MARK3: variants seen among roughly 807,000 people sequenced by gnomAD.
MARK3 encodes the protein MAP/microtubule affinity-regulating kinase 3.
Under a neutral mutation model 90.1 loss-of-function variants are expected in MARK3, and 46 were observed. The observed-to-expected ratio is 0.51, with a 90% CI of 0.40 to 0.65. MARK3 has a LOEUF of 0.65. MARK3 is among the 30% of genes least tolerant of loss of function. MARK3 has a pLI of 0.00. For synonymous variants in MARK3, 321 were observed against 332.6 expected, an observed-to-expected ratio of 0.97 and a Z score of 0.38; for missense variants, 818 against 947.2, an observed-to-expected ratio of 0.86 and a Z score of 1.79.
At chr14:103,436,110 C>T (rs1279177157) in intron 3 of MARK3, among the ~76,000 whole-genome samples, 1 of 152,144 alleles carries the variant, frequency 6.6e-6, no homozygotes, top group Non-Finnish European at 1.5e-5. Context: ...AGGCTGGTCT[C>T]GAACTCCTGA....
chr14:103,432,967 A>G (rs1179977138), intron 3 of MARK3, among the ~76,000 whole-genome samples: 3 of 152,218 alleles, frequency 2.0e-5, no homozygotes, highest in Admixed American at 1.3e-4. Context: ...ACTATACCAC[A>G]TAGAAAAGTA....
At chr14:103,431,935 C>T (rs1250576057) in intron 3 of MARK3, among the ~76,000 whole-genome samples, 6 of 152,058 alleles carry the variant, frequency 3.9e-5, no homozygotes, top group South Asian at 2.1e-4. Context: ...ACAGGAGTTT[C>T]GCTGAACAGA....
chr14:103,407,408 G>A (rs1049268758), intron 2 of MARK3, among the ~76,000 whole-genome samples: 2 of 152,022 alleles, frequency 1.3e-5, no homozygotes, highest in African/African-American at 4.8e-5. Flanking sequence ...ATCGGTTATT[G>A]TGTAGGAAGG....
chr14:103,400,002 C>T (rs2090854714), intron 1 of MARK3, among the ~76,000 whole-genome samples: 1 of 151,106 alleles, frequency 6.6e-6, no homozygotes. Context: ...AATCTCAGCT[C>T]ACTGCAACTG....
At chr14:103,437,085 C>T (rs186019173) in intron 3 of MARK3, among the ~76,000 whole-genome samples, 1 of 146,534 alleles carries the variant, frequency 6.8e-6, no homozygotes, top group East Asian at 2.0e-4. Flanking sequence ...AAATGAGAAA[C>T]TCTGCCAAAA....
intron 1 of MARK3, among the ~76,000 whole-genome samples, chr14:103,390,574 C>T (rs1210828079): frequency 6.6e-6 from 1 of 152,116 alleles, no homozygotes; most frequent in Non-Finnish European, 1.5e-5. Context: ...CTAACAATAG[C>T]TGATAAGCTT....
At chr14:103,457,314 TG>T in intron 6 of MARK3, 102 bp downstream of exon 6, 1 of 820,964 alleles carries the variant, frequency 1.2e-6, no homozygotes, top group Admixed American at 2.2e-5. Flanking sequence ...TAAGGCCTGT[TG>T]GATGGCAGGG....
At chr14:103,418,893 A>G (rs1448390698) in intron 2 of MARK3, among the ~76,000 whole-genome samples, 3 of 152,178 alleles carry the variant, frequency 2.0e-5, no homozygotes, top group African/African-American at 7.2e-5. Flanking sequence ...GCAGTTTTCT[A>G]CGTTGCCACT....
intron 1 of MARK3, among the ~76,000 whole-genome samples, chr14:103,398,775 A>C (rs1305543987): frequency 6.6e-6 from 1 of 152,220 alleles, no homozygotes; most frequent in Admixed American, 6.5e-5. Context: ...TGACTTTGTG[A>C]ATATTTCTAA....
chr14:103,422,647 A>C (rs2092264371), intron 2 of MARK3, among the ~76,000 whole-genome samples: 1 of 152,102 alleles, frequency 6.6e-6, no homozygotes, highest in African/African-American at 2.4e-5. Context: ...CCTCAAGTGA[A>C]CCACTGTGCC....
At chr14:103,398,683 A>T (rs2090745053) in intron 1 of MARK3, among the ~76,000 whole-genome samples, 1 of 152,176 alleles carries the variant, frequency 6.6e-6, no homozygotes, top group Non-Finnish European at 1.5e-5. Context: ...AAGAGTTTTT[A>T]AATTATAAAT....
chr14:103,466,999 C>G (rs1273943891), intron 10 of MARK3, 80 bp from the exon 11 acceptor site: 1 of 585,634 alleles, frequency 1.7e-6, no homozygotes, highest in Non-Finnish European at 2.7e-6. Context: ...AGTGAAACTC[C>G]GTCTCAAAAA....
intron 2 of MARK3, among the ~76,000 whole-genome samples, chr14:103,415,320 G>C (rs902916646): frequency 6.6e-6 from 1 of 152,054 alleles, no homozygotes; most frequent in African/African-American, 2.4e-5. Flanking sequence ...CCTAGTTATG[G>C]TGTAAGTTCA....
chr14:103,412,248 C>CT (rs1361753330), intron 2 of MARK3: 1 of 742,426 alleles, frequency 1.3e-6, no homozygotes, highest in Non-Finnish European at 2.3e-6. Flanking sequence ...AGCTCATCGT[C>CT]TGTCATCTTC....
chr14:103,399,686 T>G (rs2090824955), intron 1 of MARK3, among the ~76,000 whole-genome samples: 2 of 121,790 alleles, frequency 1.6e-5, no homozygotes, highest in East Asian at 2.3e-4. Context: ...GGCAACAGAG[T>G]GAGACTCCAT....
chr14:103,439,554 G>A (rs149788412), intron 3 of MARK3, among the ~76,000 whole-genome samples: 94 of 152,084 alleles, frequency 6.2e-4, no homozygotes, highest in African/African-American at 2.1e-3. Flanking sequence ...GATTACAGGC[G>A]TGCGCCACCA....
At chr14:103,426,577 T>G (rs1178540805) in intron 2 of MARK3, among the ~76,000 whole-genome samples, 1 of 152,196 alleles carries the variant, frequency 6.6e-6, no homozygotes, top group Non-Finnish European at 1.5e-5. Context: ...GCCGAGTTAC[T>G]TGATATTCCC....
At chr14:103,429,923 T>C (rs2092530092) in intron 3 of MARK3, among the ~76,000 whole-genome samples, 1 of 152,212 alleles carries the variant, frequency 6.6e-6, no homozygotes, top group South Asian at 2.1e-4. Context: ...TACCATGGTG[T>C]TGTATCAAGT....
intron 14 of MARK3, chr14:103,491,265 C>T (rs1039521137): frequency 1.8e-5 from 7 of 386,854 alleles, no homozygotes; most frequent in African/African-American, 8.4e-5. Flanking sequence ...ATGATGTCCT[C>T]GGTTGTGTAT....
Sources: gnomAD v4.1 joint callset for allele counts (sites outside exome capture counted in the v4.1 genomes callset) on GRCh38, gnomAD v4.1.1 for gene constraint, MANE v1.5 for transcripts, NCBI Gene and HGNC (gene_info 2026-07-23, HGNC 2026-07-21) for gene names.